Variants in TTLL1 observed in about 807,000 individuals in gnomAD.
The protein encoded by TTLL1 is polyglutamylase complex subunit TTLL1.
TTLL1 carries 33 observed loss-of-function variants against 47.8 expected under a neutral mutation model. The ratio of observed to expected loss-of-function variants is 0.69; its 90% CI spans 0.52 to 0.92. The LOEUF is 0.92. Ranked by LOEUF, TTLL1 falls within the 40% of genes least tolerant of loss-of-function variation. The pLI is 0.00. For synonymous variants in TTLL1, 225 were observed against 214.1 expected, an observed-to-expected ratio of 1.05 and a Z score of -0.45; for missense variants, 488 against 547.5, an observed-to-expected ratio of 0.89 and a Z score of 1.08.
chr22:43,072,687 G>A (rs1278679293), intron 3 of TTLL1, among the ~76,000 whole-genome samples: 4 of 152,130 alleles, frequency 2.6e-5, no homozygotes, highest in Non-Finnish European at 5.9e-5. Flanking sequence ...GCACAGGCTG[G>A]TGTCAAACTC....
chr22:43,062,998 G>C (rs918946207), intron 7 of TTLL1, among the ~76,000 whole-genome samples: 1 of 152,038 alleles, frequency 6.6e-6, no homozygotes, highest in Non-Finnish European at 1.5e-5. Flanking sequence ...ATTGACTACT[G>C]TACTCAAAGT....
chr22:43,077,588 C>G (rs551915677), intron 2 of TTLL1, among the ~76,000 whole-genome samples: 1 of 152,168 alleles, frequency 6.6e-6, no homozygotes. Context: ...TGGCTGCTGT[C>G]CCAGGCCTGT....
intron 8 of TTLL1, among the ~76,000 whole-genome samples, chr22:43,057,208 G>T (rs888750061): frequency 1.3e-5 from 2 of 151,422 alleles, no homozygotes; most frequent in Admixed American, 6.6e-5. Context: ...ATCGGAGGCT[G>T]CAGTGGGCTG....
chr22:43,083,241 C>T (rs973928756), intron 1 of TTLL1, among the ~76,000 whole-genome samples: 4 of 151,912 alleles, frequency 2.6e-5, no homozygotes, highest in African/African-American at 9.7e-5. Flanking sequence ...TGGTGGCGGG[C>T]GCCTGTAGTC....
At position 43,046,322 on chromosome 22, in the gene TTLL1, C is replaced by A. The variant is rs576221011; in HGVS notation, c.1142+88G>T. The stretch of plus-strand genomic sequence containing the variant: ...AACAGTCTGCCCAAATAAGGAGAAT[C>A]CACATATGCCCAGAAATCCAAGCTG... On this transcript the variant is annotated intron_variant, in intron 10 of 10. Coordinates refer to ENST00000266254, the MANE Select transcript of TTLL1 (RefSeq NM_012263.5). 6 of 1,482,390 alleles carry A rather than the reference C, an allele frequency of 4.0e-6. No homozygotes were observed. In the African/African-American group the frequency reaches 5.5e-5, roughly 14 times the overall value. 91.8% of individuals were successfully genotyped at this position (1,482,390 alleles called of 1,614,324 possible).
chr22:43,080,901 A>C lies in TTLL1; in HGVS notation c.-89-915T>G, dbSNP rs184375591. 7.0e-3 allele frequency among the ~76,000 whole-genome samples: 322 copies of C among 46,178 alleles called. 2 individuals are homozygous for C. Among genetic ancestry groups the C allele is most frequent in the African/African-American group, 0.018 (303 of 16,616 alleles). 30.3% of individuals were successfully genotyped at this position (46,178 alleles called of 152,430 possible). ...AGTCACCTGTTCCCAGTGTTGCATG[A>C]CTTTTTTTTTTTTTTTTTTTTTTTT... On this transcript the variant is annotated intron_variant, in intron 1 of 10. Transcript: ENST00000266254.
intron 2 of TTLL1, among the ~76,000 whole-genome samples, chr22:43,076,012 CAG>C (rs570116843): frequency 2.6e-5 from 4 of 152,192 alleles, no homozygotes; most frequent in Non-Finnish European, 5.9e-5. Flanking sequence ...GAGCCGCAGA[CAG>C]GGCAGCTGGG....
chr22:43,057,892 G>A (rs1002250655), intron 8 of TTLL1, among the ~76,000 whole-genome samples: 24 of 151,572 alleles, frequency 1.6e-4, no homozygotes, highest in African/African-American at 2.2e-4. Flanking sequence ...AGTCATATGC[G>A]AGTAACAAAA....
intron 1 of TTLL1, 86 bp from the exon 2 acceptor site, chr22:43,080,072 G>T (rs1928779565): frequency 6.6e-6 from 1 of 151,868 alleles, no homozygotes; most frequent in Non-Finnish European, 1.5e-5. Flanking sequence ...TTGTTTTTTT[G>T]AGACAGGTTC....
At chr22:43,054,765 G>A (rs891555449) in intron 8 of TTLL1, among the ~76,000 whole-genome samples, 18 of 144,038 alleles carry the variant, frequency 1.2e-4, no homozygotes, top group Non-Finnish European at 1.6e-4. Context: ...TTGCTCTGTG[G>A]CCCAGGCTGG....
chr22:43,058,057 C>T (rs1329854751), intron 8 of TTLL1, among the ~76,000 whole-genome samples: 1 of 151,938 alleles, frequency 6.6e-6, no homozygotes, highest in Non-Finnish European at 1.5e-5. Flanking sequence ...CATTCTCCTG[C>T]CTCAGCCTCC....
chr22:43,044,944 C>T (rs569514114), intron 10 of TTLL1, among the ~76,000 whole-genome samples: 6 of 151,848 alleles, frequency 4.0e-5, no homozygotes, highest in South Asian at 2.1e-4. Flanking sequence ...CTCACTGCAA[C>T]CTCCGCCTCC....
intron 8 of TTLL1, 34 bp downstream of exon 8, chr22:43,059,350 T>C: frequency 6.4e-7 from 1 of 1,573,390 alleles, no homozygotes; most frequent in Non-Finnish European, 8.6e-7. Flanking sequence ...AAACGGGCCC[T>C]GGGAGCCGGC....
At position 43,051,880 on chromosome 22, in the gene TTLL1, A is replaced by G. The variant is rs1926652527; in HGVS notation, c.899T>C (p.Met300Thr). Reference protein sequence around the residue: ...VQSLKAVAPVMNNDKHCFECY... With the variant: ...VQSLKAVAPVTNNDKHCFECY... ...TTCAAAGCAGTGCTTGTCATTGTTCATCACCGGCTGGAGAGAGAGTGACCA... is the reference window on the plus strand; with the variant it reads ...TTCAAAGCAGTGCTTGTCATTGTTCGTCACCGGCTGGAGAGAGAGTGACCA... Residue 300 changes from methionine (M) to threonine (T), a missense_variant, in exon 9 of 11, where the codon ATG becomes ACG. By Grantham distance (81) the Met-to-Thr change is moderately conservative. Transcript: ENST00000266254. 6.2e-7 allele frequency: 1 copy of G among 1,613,878 alleles called. No homozygotes were observed. Among genetic ancestry groups the G allele is most frequent in the Non-Finnish European group, 8.5e-7 (1 of 1,180,006 alleles).
intron 8 of TTLL1, among the ~76,000 whole-genome samples, chr22:43,055,224 A>G (rs938940696): frequency 6.0e-5 from 9 of 151,010 alleles, no homozygotes; most frequent in Non-Finnish European, 1.2e-4. Context: ...GGGTTTCATC[A>G]TGTTATCCAG....
At chr22:43,071,638 G>GAGTC (rs1928131149) in intron 3 of TTLL1, among the ~76,000 whole-genome samples, 1 of 152,160 alleles carries the variant, frequency 6.6e-6, no homozygotes, top group Non-Finnish European at 1.5e-5. Flanking sequence ...TCAAACTCCT[G>GAGTC]ACCTCAGGTG....
At chr22:43,052,273 C>G in intron 8 of TTLL1, 1 of 237,672 alleles carries the variant, frequency 4.2e-6, no homozygotes, top group Non-Finnish European at 8.5e-6. Flanking sequence ...GTCCACCAGG[C>G]TGCCCGTTAC....
chr22:43,059,225 C>T (rs1054409734), intron 8 of TTLL1, among the ~76,000 whole-genome samples, 159 bp downstream of exon 8: 9 of 152,168 alleles, frequency 5.9e-5, no homozygotes, highest in African/African-American at 2.2e-4. Context: ...AACTTCTGAC[C>T]TCAGGTGATC....
At chr22:43,051,677 C>T in intron 9 of TTLL1, 124 bp downstream of exon 9, 2 of 895,124 alleles carry the variant, frequency 2.2e-6, no homozygotes, top group Middle Eastern at 2.6e-4. Flanking sequence ...ACTCGAACAT[C>T]AGTCCCCTTC....
Sources: gnomAD v4.1 joint callset for allele counts (sites outside exome capture counted in the v4.1 genomes callset) on GRCh38, gnomAD v4.1.1 for gene constraint, MANE v1.5 for transcripts, NCBI Gene and HGNC (gene_info 2026-07-23, HGNC 2026-07-21) for gene names.